The following ATP11A variants were observed in gnomAD, a reference collection of about 807,000 sequenced individuals.
The protein encoded by ATP11A is phospholipid-transporting ATPase IH.
Under a neutral mutation model 154.4 loss-of-function variants are expected in ATP11A, and 81 were observed. That is an observed-to-expected ratio of 0.52 (90% CI 0.44 to 0.63). The LOEUF is 0.63. ATP11A is among the 30% of genes least tolerant of loss of function. ATP11A has a pLI of 0.00. For synonymous variants in ATP11A, 623 were observed against 585.9 expected (o/e 1.06, Z -0.91); for missense variants, 1,316 against 1,474.3 (o/e 0.89, Z 1.76).
intron 2 of ATP11A, among the ~76,000 whole-genome samples, chr13:112,794,041 C>T (rs770307534): frequency 2.8e-4 from 42 of 152,180 alleles, no homozygotes; most frequent in Non-Finnish European, 4.7e-4. Flanking sequence ...AAGTGAGAAA[C>T]GAAAAGAATG....
At chr13:112,850,217 T>G (rs1277391300) in intron 17 of ATP11A, among the ~76,000 whole-genome samples, 5 of 152,236 alleles carry the variant, frequency 3.3e-5, no homozygotes, top group Non-Finnish European at 7.3e-5. Context: ...CTGCCGGATT[T>G]TAAAATGGTT....
intron 1 of ATP11A, among the ~76,000 whole-genome samples, chr13:112,730,284 ATTT>A (rs1352313625): frequency 1.2e-4 from 19 of 152,276 alleles, no homozygotes; most frequent in Admixed American, 9.8e-4. Flanking sequence ...TGTTATCTTT[ATTT>A]GTGTGGATCT....
At chr13:112,835,480 T>C (rs2140265556) in intron 15 of ATP11A, among the ~76,000 whole-genome samples, 1 of 152,342 alleles carries the variant, frequency 6.6e-6, no homozygotes, top group Admixed American at 6.5e-5. Context: ...CACCCTGGGC[T>C]TCCCGGGGGC....
At chr13:112,863,098 GTA>G in intron 25 of ATP11A, among the ~76,000 whole-genome samples, 1 of 143,120 alleles carries the variant, frequency 7.0e-6, no homozygotes, top group East Asian at 2.1e-4. Context: ...GTAATTCAGC[GTA>G]GCACATGCAG....
chr13:112,690,501 C>T lies in ATP11A; in HGVS notation c.39+46C>T. ...CTGGGGGACCCGGGGACCAGACAGA[C>T]GCGGGCCGGCCCCGCAGCCCGGACC... On this transcript the variant is annotated intron_variant, in intron 1 of 29. Transcript: ENST00000375645. This position sits in a 1 kb window ranked among gnomAD's most constrained non-coding sequence, Gnocchi z 5.6. 1 of 1,284,762 alleles carries T rather than the reference C, an allele frequency of 7.8e-7. No individual in the cohort carries two copies. The highest frequency in any genetic ancestry group is 3.0e-5 in the East Asian group (1 of 33,380). The allele number at this position is 1,284,762 out of a possible 1,614,324, so 79.6% of individuals were successfully genotyped here. A position where few individuals can be genotyped will look rare whatever the true frequency, so the allele number is the denominator to read the frequency against.
intron 1 of ATP11A, among the ~76,000 whole-genome samples, chr13:112,742,049 C>T (rs1029605017): frequency 5.9e-5 from 9 of 152,204 alleles, no homozygotes; most frequent in Non-Finnish European, 1.3e-4. Context: ...GGGGAGTGCT[C>T]CCCCTCCCCA....
At chr13:112,742,308 G>A (rs1371595710) in intron 1 of ATP11A, among the ~76,000 whole-genome samples, 2 of 152,196 alleles carry the variant, frequency 1.3e-5, no homozygotes, top group East Asian at 3.9e-4. Flanking sequence ...GGAAGGGGGT[G>A]CTGTCCTGTC....
At chr13:112,766,027 G>A (rs1251409795) in intron 1 of ATP11A, among the ~76,000 whole-genome samples, 1 of 152,178 alleles carries the variant, frequency 6.6e-6, no homozygotes, top group Non-Finnish European at 1.5e-5. Context: ...GTCGGGGGCG[G>A]ATCCCCCTGT....
rs371390421 is a variant in ATP11A at position 112,808,542 on chromosome 13, G to A, written c.334-2077G>A. On this transcript the variant is annotated intron_variant, in intron 4 of 29. Transcript: ENST00000375645. ...TTCCTTGGGAACAGCGCCTCTGTCC[G>A]CAGCTGGGACTTTCCCAAATGGCCT... 1.5e-3 allele frequency among the ~76,000 whole-genome samples: 215 copies of A among 138,832 alleles called. 1 individual carries two copies. Among genetic ancestry groups the A allele is most frequent in the Middle Eastern group, 7.5e-3 (2 of 268 alleles). The allele number at this position is 138,832 out of a possible 152,430, so 91.1% of individuals were successfully genotyped here. A position where few individuals can be genotyped will look rare whatever the true frequency, so the allele number is the denominator to read the frequency against.
rs1009249488 is a variant in ATP11A, at chr13:112,807,237, A to G, written c.333+944A>G. ...TTGGCAACATCTGACACAGGCAGAGATGGGGACACACAGGGTCCAGTGCAG... is the reference window on the plus strand; with the variant it reads ...TTGGCAACATCTGACACAGGCAGAGGTGGGGACACACAGGGTCCAGTGCAG... On this transcript the variant is annotated intron_variant, in intron 4 of 29. Transcript: ENST00000375645. This position sits in a 1 kb window ranked among gnomAD's most constrained non-coding sequence, Gnocchi z 4.5. 5.9e-5 allele frequency among the ~76,000 whole-genome samples: 9 copies of G among 152,238 alleles called. No homozygotes were observed. The highest frequency in any genetic ancestry group is 3.9e-4 in the Admixed American group (6 of 15,284).
intron 1 of ATP11A, among the ~76,000 whole-genome samples, chr13:112,710,855 G>A (rs1887649286): frequency 6.6e-6 from 1 of 152,268 alleles, no homozygotes; most frequent in African/African-American, 2.4e-5. Flanking sequence ...TGCAGGGAGA[G>A]AAGGTTCGGC....
rs1164816824 is a variant in ATP11A at position 112,819,908 on chromosome 13, G to T, written c.683G>T (p.Gly228Val). 1 of 1,614,054 alleles carries T rather than the reference G, an allele frequency of 6.2e-7. No individual in the cohort carries two copies. The highest frequency in any genetic ancestry group is 8.5e-7 in the Non-Finnish European group (1 of 1,179,962). Residue 228 changes from glycine to valine, a missense_variant, in exon 8 of 30, where the codon GGT becomes GTT. Gly to Val is a moderately radical substitution (Grantham distance 109). Transcript: ENST00000375645. ...GGCTTTTCTGTCGCCAGGTTCGTGG[G>T]TCGCATCAACGTTTACAGTGACCTG... Reference protein sequence around the residue: ...QPQPDLYKFVGRINVYSDLND... With the variant: ...QPQPDLYKFVVRINVYSDLND...
rs777536740 is a variant in ATP11A, at chr13:112,819,911, G to T, written c.686G>T (p.Arg229Leu). Reference sequence around the variant, plus strand: ...TTTTCTGTCGCCAGGTTCGTGGGTCGCATCAACGTTTACAGTGACCTGAAT... The same window carrying T: ...TTTTCTGTCGCCAGGTTCGTGGGTCTCATCAACGTTTACAGTGACCTGAAT... Reference protein sequence around the residue: ...PQPDLYKFVGRINVYSDLNDP... With the variant: ...PQPDLYKFVGLINVYSDLNDP... Residue 229 changes from arginine (R) to leucine (L), a missense_variant, in exon 8 of 30, where the codon CGC becomes CTC. Arg to Leu is a moderately radical substitution (Grantham distance 102, BLOSUM62 -2). Around this residue, in one of 5 missense-constraint regions of ATP11A, gnomAD observed 876 missense variants for 1,006.8 expected, o/e 0.87. Transcript: ENST00000375645. 1 of 1,613,736 alleles carries T rather than the reference G, an allele frequency of 6.2e-7. No homozygotes were observed. The highest frequency in any genetic ancestry group is 1.1e-5 in the South Asian group (1 of 91,016).
intron 1 of ATP11A, among the ~76,000 whole-genome samples, chr13:112,718,822 C>T (rs1237941732): frequency 1.3e-5 from 2 of 152,066 alleles, no homozygotes; most frequent in African/African-American, 4.8e-5. Flanking sequence ...AGTTGCACGC[C>T]AACACTCCCA....
At chr13:112,790,664 C>T (rs1269186206) in intron 2 of ATP11A, among the ~76,000 whole-genome samples, 2 of 142,316 alleles carry the variant, frequency 1.4e-5, no homozygotes, top group Non-Finnish European at 3.1e-5. Context: ...TAGACCCCTG[C>T]GATAGACCTC....
chr13:112,862,246 G>T (rs899467503), intron 24 of ATP11A, among the ~76,000 whole-genome samples, 194 bp from the exon 25 acceptor site: 3 of 152,270 alleles, frequency 2.0e-5, no homozygotes, highest in Non-Finnish European at 4.4e-5. Flanking sequence ...GTTAGCCAAG[G>T]ACATGAGTGG....
rs939701634 is a variant in ATP11A, at chr13:112,690,484, C to T, written c.39+29C>T. On this transcript the variant is annotated intron_variant, in intron 1 of 29. Coordinates refer to ENST00000375645, the MANE Select transcript of ATP11A (RefSeq NM_015205.3). The surrounding 1 kb of genome is among the most constrained non-coding windows in gnomAD (Gnocchi z 5.6). ...AGTGCTCCCGGCGCGGGCTGGGGGACCCGGGGACCAGACAGACGCGGGCCG... is the reference window on the plus strand; with the variant it reads ...AGTGCTCCCGGCGCGGGCTGGGGGATCCGGGGACCAGACAGACGCGGGCCG... 1.3e-5 allele frequency: 17 copies of T among 1,325,150 alleles called. No individual in the cohort carries two copies. Among genetic ancestry groups the T allele is most frequent in the African/African-American group, 1.5e-5 (1 of 66,754 alleles). 82.1% of individuals were successfully genotyped at this position (1,325,150 alleles called of 1,614,324 possible).
At chr13:112,824,259 G>T (rs1203743622) in intron 9 of ATP11A, 85 bp from the exon 10 acceptor site, 15 of 1,056,250 alleles carry the variant, frequency 1.4e-5, no homozygotes, top group Non-Finnish European at 2.1e-5. Flanking sequence ...CCCAAGAATT[G>T]ATTTTCCCCG....
chr13:112,711,349 C>G (rs1340256387), intron 1 of ATP11A, among the ~76,000 whole-genome samples: 1 of 152,112 alleles, frequency 6.6e-6, no homozygotes, highest in African/African-American at 2.4e-5. Flanking sequence ...CACCTGTGGT[C>G]CCATCTACTT....
Sources: allele counts gnomAD v4.1 joint callset (sites outside exome capture counted in the v4.1 genomes callset), GRCh38; gene constraint gnomAD v4.1.1; regional missense constraint gnomAD v4.1.1; non-coding constraint Gnocchi (gnomAD v3.1); transcripts MANE v1.5; gene names NCBI Gene and HGNC (gene_info 2026-07-23, HGNC 2026-07-21).